MECOM: variants seen among roughly 807,000 people sequenced by gnomAD.
The protein encoded by MECOM is histone-lysine N-methyltransferase MECOM.
In MECOM, 13 loss-of-function variants were observed where a neutral mutation model predicts 116.3. The ratio of observed to expected loss-of-function variants is 0.11; its 90% confidence interval spans 0.07 to 0.18. The LOEUF is 0.18. Ranked by LOEUF, MECOM falls within the 10% of genes least tolerant of loss-of-function variation. The pLI, the probability that MECOM is intolerant of heterozygous loss-of-function variation, is 1.00. For synonymous variants in MECOM, 528 were observed against 535.2 expected (o/e 0.99, Z 0.19); for missense variants, 1,299 against 1,509.0 (o/e 0.86, Z 2.31).
intron 14 of MECOM, among the ~76,000 whole-genome samples, chr3:169,092,402 ATG>A (rs1353244299): frequency 2.0e-5 from 3 of 151,912 alleles, no homozygotes; most frequent in African/African-American, 7.3e-5. Context: ...ATACATACAT[ATG>A]TACTATAATA....
At chr3:169,501,115 T>G (rs1261926403) in intron 1 of MECOM, among the ~76,000 whole-genome samples, 1 of 152,006 alleles carries the variant, frequency 6.6e-6, no homozygotes, top group Non-Finnish European at 1.5e-5. Flanking sequence ...CCCTCCAGAT[T>G]TAATAAAAAC....
chr3:169,570,390 A>G (rs1763740313), intron 1 of MECOM, among the ~76,000 whole-genome samples: 1 of 152,226 alleles, frequency 6.6e-6, no homozygotes, highest in Non-Finnish European at 1.5e-5. Context: ...ACGGATTCAC[A>G]GCTGAATTCT....
At chr3:169,625,122 A>G (rs1771207673) in intron 1 of MECOM, among the ~76,000 whole-genome samples, 1 of 152,140 alleles carries the variant, frequency 6.6e-6, no homozygotes, top group Non-Finnish European at 1.5e-5. Context: ...GGCTGTGATG[A>G]ACGAAAACCC....
chr3:169,629,698 T>A (rs921530960), intron 1 of MECOM, among the ~76,000 whole-genome samples: 2 of 152,168 alleles, frequency 1.3e-5, no homozygotes, highest in African/African-American at 4.8e-5. Context: ...CTTGCTAAGA[T>A]TCCAAGCTCA....
intron 2 of MECOM, among the ~76,000 whole-genome samples, chr3:169,355,385 T>G (rs1727090047): frequency 6.6e-6 from 1 of 151,968 alleles, no homozygotes; most frequent in Admixed American, 6.6e-5. Flanking sequence ...CCTTTCACCT[T>G]TGGTTTTCAA....
rs147982650 is a variant in MECOM at position 169,312,626 on chromosome 3, C to T, written c.375+68561G>A. ...ATCTCCTGACCTCGTGATCCGCCCG[C>T]CTCGGCCTCCCAAAGTGCCGGGATT... On this transcript the variant is annotated intron_variant, in intron 2 of 16. Transcript: ENST00000651503. Among the ~76,000 whole-genome samples, 1,715 of 152,250 alleles carry T rather than the reference C, an allele frequency of 0.011. 80 individuals carry two copies. In the East Asian group the frequency reaches 0.17, roughly 15 times the overall value.
intron 2 of MECOM, among the ~76,000 whole-genome samples, chr3:169,378,406 A>C: frequency 1.9e-5 from 1 of 53,670 alleles, no homozygotes; most frequent in African/African-American, 1.6e-4. Flanking sequence ...AGAAAGAAAG[A>C]AAGAAAGAAA....
At chr3:169,101,793 T>G (rs140953284) in intron 11 of MECOM, among the ~76,000 whole-genome samples, 2 of 152,318 alleles carry the variant, frequency 1.3e-5, no homozygotes, top group East Asian at 3.9e-4. Context: ...TTCATAAATA[T>G]CAAAGTGAGA....
At chr3:169,415,206 A>C (rs1420672761) in intron 1 of MECOM, among the ~76,000 whole-genome samples, 1 of 152,234 alleles carries the variant, frequency 6.6e-6, no homozygotes, top group Non-Finnish European at 1.5e-5. Context: ...CCTACAAGCC[A>C]GAAAAAAGTG....
chr3:169,098,761 TG>T (rs1722562748), intron 12 of MECOM, among the ~76,000 whole-genome samples: 1 of 152,104 alleles, frequency 6.6e-6, no homozygotes, highest in South Asian at 2.1e-4. Context: ...CTCCTAGGTT[TG>T]GGTGGTCCTC....
chr3:169,086,802 C>T (rs1717902975), intron 16 of MECOM, among the ~76,000 whole-genome samples: 1 of 152,128 alleles, frequency 6.6e-6, no homozygotes. Context: ...ATAAAAATTA[C>T]AGACTATAAA....
At chr3:169,268,610 C>T (rs916276707) in intron 2 of MECOM, among the ~76,000 whole-genome samples, 1 of 152,216 alleles carries the variant, frequency 6.6e-6, no homozygotes, top group Non-Finnish European at 1.5e-5. Flanking sequence ...AAATAGATTT[C>T]AGCCTCCTGA....
chr3:169,277,461 C>T (rs551916876), intron 2 of MECOM, among the ~76,000 whole-genome samples: 24 of 152,120 alleles, frequency 1.6e-4, no homozygotes, highest in Non-Finnish European at 2.2e-4. Flanking sequence ...TAGCCTAAAA[C>T]GAAAGAATTG....
At chr3:169,594,543 A>G (rs2109674891) in intron 1 of MECOM, among the ~76,000 whole-genome samples, 1 of 152,066 alleles carries the variant, frequency 6.6e-6, no homozygotes, top group South Asian at 2.1e-4. Context: ...TACAGGCTAC[A>G]GTTCGACAAC....
At chr3:169,636,589 C>A (rs1246424469) in intron 1 of MECOM, among the ~76,000 whole-genome samples, 1 of 152,114 alleles carries the variant, frequency 6.6e-6, no homozygotes, top group Non-Finnish European at 1.5e-5. Context: ...TTATAACTGC[C>A]AAGTAGGAGC....
intron 2 of MECOM, among the ~76,000 whole-genome samples, chr3:169,306,383 G>T (rs865885898): frequency 6.6e-6 from 1 of 152,120 alleles, no homozygotes; most frequent in African/African-American, 2.4e-5. Context: ...AAAATAGAAA[G>T]AAGTGGCAGA....
At chr3:169,328,810 T>C (rs555992987) in intron 2 of MECOM, among the ~76,000 whole-genome samples, 1 of 152,278 alleles carries the variant, frequency 6.6e-6, no homozygotes, top group South Asian at 2.1e-4. Flanking sequence ...GCTTATAAGA[T>C]AGAGAATTGT....
intron 2 of MECOM, among the ~76,000 whole-genome samples, chr3:169,201,336 C>A (rs1027767826): frequency 2.0e-5 from 3 of 151,940 alleles, no homozygotes; most frequent in Non-Finnish European, 4.4e-5. Flanking sequence ...GAAATTCAAT[C>A]TCTTACTTAG....
intron 9 of MECOM, among the ~76,000 whole-genome samples, chr3:169,108,316 C>T (rs1194540007): frequency 6.6e-6 from 1 of 152,074 alleles, no homozygotes; most frequent in Non-Finnish European, 1.5e-5. Context: ...TGTAAAAATC[C>T]AATCTCTTGC....
Sources: gnomAD v4.1 joint callset for allele counts (sites outside exome capture counted in the v4.1 genomes callset) on GRCh38, gnomAD v4.1.1 for gene constraint, MANE v1.5 for transcripts, NCBI Gene and HGNC (gene_info 2026-07-23, HGNC 2026-07-21) for gene names.